AGO3: variants seen among roughly 807,000 people sequenced by gnomAD.
AGO3 encodes argonaute RISC catalytic component 3.
Under a neutral mutation model 105.5 loss-of-function variants are expected in AGO3, and 16 were observed. The observed-to-expected ratio is 0.15, with a 90% confidence interval of 0.10 to 0.23. AGO3 has a LOEUF of 0.23. Ranked by LOEUF, AGO3 falls within the 10% of genes least tolerant of loss-of-function variation. AGO3 has a pLI of 1.00. For missense variants in AGO3, 534 were observed against 1,088.0 expected (o/e 0.49, Z 7.16); for synonymous variants, 340 against 367.3 (o/e 0.93, Z 0.85).
At chr1:36,031,042 C>G (rs1641750832) in intron 12 of AGO3, among the ~76,000 whole-genome samples, 1 of 152,140 alleles carries the variant, frequency 6.6e-6, no homozygotes, top group Non-Finnish European at 1.5e-5. Flanking sequence ...GCTATAACTA[C>G]CCAATACACT....
chr1:35,982,769 T>A, intron 5 of AGO3: 1 of 621,900 alleles, frequency 1.6e-6, no homozygotes, highest in Non-Finnish European at 2.9e-6. Flanking sequence ...GCTGAAAAAA[T>A]AGGTTTAAGA....
chr1:36,025,580 G>A (rs571706321), intron 11 of AGO3, among the ~76,000 whole-genome samples: 3 of 152,186 alleles, frequency 2.0e-5, no homozygotes, highest in African/African-American at 7.2e-5. Context: ...ATTAAGCACC[G>A]ATAAGGAATA....
In AGO3 at chr1:36,027,999, C is replaced by T. The variant is rs541087956; in HGVS notation, c.1591+701C>T. On this transcript the variant is annotated intron_variant, in intron 12 of 18. Transcript: ENST00000373191. This position sits in a 1 kb window ranked among gnomAD's most constrained non-coding sequence, Gnocchi z 4.0. ...GCTGAATTACTTAATCACACTAGCCCTTAGTTTCCTCATCTCTGGAATTGG... is the reference window on the plus strand; with the variant it reads ...GCTGAATTACTTAATCACACTAGCCTTTAGTTTCCTCATCTCTGGAATTGG... 1.3e-5 allele frequency among the ~76,000 whole-genome samples: 2 copies of T among 152,028 alleles called. No homozygotes were observed. The highest frequency in any genetic ancestry group is 4.1e-4 in the South Asian group (2 of 4,824).
chr1:35,989,310 C>G (rs1314910193), intron 5 of AGO3, among the ~76,000 whole-genome samples: 2 of 152,202 alleles, frequency 1.3e-5, no homozygotes. Context: ...TAACTTTCAA[C>G]TGTGTAATTA....
At chr1:35,964,701 C>T (rs1646741298) in intron 2 of AGO3, among the ~76,000 whole-genome samples, 1 of 152,130 alleles carries the variant, frequency 6.6e-6, no homozygotes, top group Non-Finnish European at 1.5e-5. Context: ...GGAATTGCCA[C>T]ACTGCTTTCC....
At chr1:36,028,340 G>A (rs1192484076) in intron 12 of AGO3, among the ~76,000 whole-genome samples, 1 of 150,660 alleles carries the variant, frequency 6.6e-6, no homozygotes, top group Non-Finnish European at 1.5e-5. Context: ...CTGGTGCGCT[G>A]CACACACTAA....
chr1:36,002,111 A>G (rs889923250), intron 5 of AGO3, among the ~76,000 whole-genome samples: 2 of 151,568 alleles, frequency 1.3e-5, no homozygotes, highest in African/African-American at 4.9e-5. Flanking sequence ...CCTTCGCCTC[A>G]TGGGTTCAGG....
At chr1:35,957,749 C>T (rs912876373) in intron 2 of AGO3, among the ~76,000 whole-genome samples, 2 of 151,664 alleles carry the variant, frequency 1.3e-5, no homozygotes, top group African/African-American at 2.4e-5. Flanking sequence ...TGCTCAGTAT[C>T]GATTTTATAT....
At chr1:35,942,395 G>A (rs1646271728) in intron 1 of AGO3, among the ~76,000 whole-genome samples, 1 of 152,024 alleles carries the variant, frequency 6.6e-6, no homozygotes, top group Non-Finnish European at 1.5e-5. Context: ...AATTTTTCTG[G>A]CATCATAAAT....
chr1:35,993,725 C>T (rs886255326), intron 5 of AGO3, among the ~76,000 whole-genome samples: 2 of 150,726 alleles, frequency 1.3e-5, no homozygotes, highest in African/African-American at 4.9e-5. Context: ...GCTTCCCCAA[C>T]CACCACCCCC....
chr1:36,034,524 C>G (rs1641920124), intron 13 of AGO3, among the ~76,000 whole-genome samples, 191 bp downstream of exon 13: 1 of 151,970 alleles, frequency 6.6e-6, no homozygotes, highest in East Asian at 1.9e-4. Context: ...GTGAAAATGC[C>G]CCCCACAATT....
intron 5 of AGO3, among the ~76,000 whole-genome samples, chr1:35,974,868 C>G (rs753223112): frequency 2.0e-5 from 3 of 152,012 alleles, no homozygotes; most frequent in Admixed American, 2.0e-4. Flanking sequence ...CAGGATATTC[C>G]TTGCTCATCT....
At chr1:35,934,332 G>A (rs1436504131) in intron 1 of AGO3, among the ~76,000 whole-genome samples, 2 of 152,172 alleles carry the variant, frequency 1.3e-5, no homozygotes, top group Non-Finnish European at 2.9e-5. Flanking sequence ...TTAATGACAT[G>A]CAAATTGTTT....
chr1:36,008,388 C>A lies in AGO3; in HGVS notation c.794-302C>A, dbSNP rs1032451538. Among the ~76,000 whole-genome samples the A allele has an allele frequency of 1.3e-5, 2 of 152,176 alleles. No individual in the cohort carries two copies. The highest frequency in any genetic ancestry group is 4.1e-4 in the South Asian group (2 of 4,822). ...CATAAATACCTGAATTTATTATAAACAGGATTTTTTATTAATGGAAGATTT... is the reference window on the plus strand; with the variant it reads ...CATAAATACCTGAATTTATTATAAAAAGGATTTTTTATTAATGGAAGATTT... On this transcript the variant is annotated intron_variant, in intron 6 of 18. Transcript: ENST00000373191. The surrounding 1 kb of genome is among the most constrained non-coding windows in gnomAD (Gnocchi z 5.1).
At chr1:35,978,250 C>A (rs1489102495) in intron 5 of AGO3, among the ~76,000 whole-genome samples, 2 of 152,102 alleles carry the variant, frequency 1.3e-5, no homozygotes, top group Admixed American at 6.5e-5. Flanking sequence ...AGTGTAGTGG[C>A]TCGATCTCGA....
chr1:35,966,734 C>T (rs1020741094), intron 2 of AGO3, among the ~76,000 whole-genome samples: 2 of 152,108 alleles, frequency 1.3e-5, no homozygotes, highest in Non-Finnish European at 2.9e-5. Flanking sequence ...AAGTAATATG[C>T]TCGCTTCATT....
At chr1:36,005,731 G>A (rs1464748882) in intron 6 of AGO3, 77 of 985,206 alleles carry the variant, frequency 7.8e-5, no homozygotes, top group Non-Finnish European at 9.2e-5. Context: ...AATACAAGAT[G>A]TACAGAACAA....
intron 1 of AGO3, among the ~76,000 whole-genome samples, chr1:35,941,361 A>ACCCTTATG (rs1277893336): frequency 2.6e-5 from 4 of 151,994 alleles, no homozygotes; most frequent in Non-Finnish European, 5.9e-5. Context: ...CCCTGCTTGT[A>ACCCTTATG]CCCTTATGTA....
intron 17 of AGO3, among the ~76,000 whole-genome samples, chr1:36,053,580 T>C (rs1191755919): frequency 6.6e-6 from 1 of 151,822 alleles, no homozygotes; most frequent in Non-Finnish European, 1.5e-5. Flanking sequence ...CAGCCTATTT[T>C]TGTTTTATTA....
Sources: allele counts gnomAD v4.1 joint callset (sites outside exome capture counted in the v4.1 genomes callset), GRCh38; gene constraint gnomAD v4.1.1; non-coding constraint Gnocchi (gnomAD v3.1); transcripts MANE v1.5; gene names NCBI Gene and HGNC (gene_info 2026-07-23, HGNC 2026-07-21).